The following PDZRN4 variants were observed in gnomAD, a reference collection of about 807,000 sequenced individuals.
PDZRN4 encodes PDZ domain-containing RING finger protein 4.
PDZRN4 carries 70 observed loss-of-function variants against 99.0 expected under a neutral mutation model. That is an observed-to-expected ratio of 0.71 (90% CI 0.58 to 0.86). The LOEUF (loss-of-function observed/expected upper bound fraction) is 0.86, where lower values mean the gene tolerates loss of function less well. Ranked by LOEUF, PDZRN4 falls within the 40% of genes least tolerant of loss-of-function variation. The pLI is 0.00. For missense variants in PDZRN4, 1,474 were observed against 1,331.2 expected, an observed-to-expected ratio of 1.11 and a Z score of -1.67; for synonymous variants, 551 against 501.6, an observed-to-expected ratio of 1.10 and a Z score of -1.32.
chr12:41,423,149 C>CT (rs112561141), intron 3 of PDZRN4, among the ~76,000 whole-genome samples: 53 of 151,552 alleles, frequency 3.5e-4, no homozygotes, highest in East Asian at 1.4e-3. Context: ...TTTGCTGAAA[C>CT]TTTTTTTTTA....
intron 3 of PDZRN4, among the ~76,000 whole-genome samples, chr12:41,231,587 A>G (rs1184670709): frequency 6.6e-6 from 1 of 151,996 alleles, no homozygotes; most frequent in Non-Finnish European, 1.5e-5. Flanking sequence ...CTTTTCTTAG[A>G]CTTTATAAGA....
At chr12:41,225,268 T>G in intron 3 of PDZRN4, among the ~76,000 whole-genome samples, 1 of 152,144 alleles carries the variant, frequency 6.6e-6, no homozygotes, top group East Asian at 1.9e-4. Flanking sequence ...AGCTGTAATT[T>G]CAGTCTATAA....
At chr12:41,567,922 C>A in intron 9 of PDZRN4, 23 bp downstream of exon 9, 2 of 1,313,036 alleles carry the variant, frequency 1.5e-6, no homozygotes, top group South Asian at 1.3e-5. Flanking sequence ...ATTTGAACTA[C>A]ATCATTTGAT....
At chr12:41,353,087 T>C (rs10506186) in intron 3 of PDZRN4, among the ~76,000 whole-genome samples, 54,615 of 151,868 alleles carry the variant, frequency 0.36, 9,923 homozygotes, top group Non-Finnish European at 0.39. Context: ...GGAAGAAATG[T>C]TTGTTAATTA....
chr12:41,474,409 T>C (rs571804296), intron 3 of PDZRN4, among the ~76,000 whole-genome samples: 2 of 152,348 alleles, frequency 1.3e-5, no homozygotes, highest in East Asian at 3.9e-4. Context: ...AATGAATGCA[T>C]TTAAACTACA....
intron 5 of PDZRN4, among the ~76,000 whole-genome samples, chr12:41,528,284 C>T (rs536448151): frequency 2.0e-5 from 3 of 152,154 alleles, no homozygotes; most frequent in South Asian, 4.2e-4. Flanking sequence ...CACAGGAAGG[C>T]ACTTAAACTT....
At chr12:41,248,334 G>C (rs974532637) in intron 3 of PDZRN4, among the ~76,000 whole-genome samples, 1 of 152,124 alleles carries the variant, frequency 6.6e-6, no homozygotes, top group Non-Finnish European at 1.5e-5. Context: ...TTTTGGCTAA[G>C]AAACATTTCA....
At chr12:41,337,697 C>T (rs893987680) in intron 3 of PDZRN4, among the ~76,000 whole-genome samples, 3 of 152,084 alleles carry the variant, frequency 2.0e-5, no homozygotes, top group Admixed American at 6.6e-5. Flanking sequence ...CCTTTATTCT[C>T]ACGAAAACTT....
intron 5 of PDZRN4, among the ~76,000 whole-genome samples, chr12:41,526,912 A>G (rs1938577372): frequency 6.6e-6 from 1 of 152,238 alleles, no homozygotes; most frequent in South Asian, 2.1e-4. Flanking sequence ...CAGCTATCTG[A>G]AAGCCATAGT....
chr12:41,356,451 G>A (rs1951927995), intron 3 of PDZRN4, among the ~76,000 whole-genome samples: 1 of 151,938 alleles, frequency 6.6e-6, no homozygotes, highest in Admixed American at 6.6e-5. Context: ...AAGGCCTTAA[G>A]AAGGAGTGTA....
At chr12:41,232,107 G>T (rs577326861) in intron 3 of PDZRN4, among the ~76,000 whole-genome samples, 5 of 151,890 alleles carry the variant, frequency 3.3e-5, no homozygotes, top group South Asian at 4.2e-4. Flanking sequence ...AAGACATGTT[G>T]TAGAATGCCA....
At chr12:41,501,523 A>G (rs1339822956) in intron 3 of PDZRN4, among the ~76,000 whole-genome samples, 1 of 152,144 alleles carries the variant, frequency 6.6e-6, no homozygotes, top group East Asian at 1.9e-4. Flanking sequence ...TATTACCATG[A>G]TATGGTTTAC....
chr12:41,437,694 T>C, intron 3 of PDZRN4: 1 of 1,370,512 alleles, frequency 7.3e-7, no homozygotes, highest in Non-Finnish European at 9.5e-7. Flanking sequence ...CGGGGGAGTG[T>C]TGCCATGAAC....
intron 3 of PDZRN4, among the ~76,000 whole-genome samples, chr12:41,309,255 G>T (rs1410519995): frequency 6.6e-6 from 1 of 152,166 alleles, no homozygotes; most frequent in African/African-American, 2.4e-5. Context: ...CCATAGACTA[G>T]CTAATTTGTA....
intron 5 of PDZRN4, among the ~76,000 whole-genome samples, chr12:41,528,220 G>T (rs926804413): frequency 7.1e-6 from 1 of 140,076 alleles, no homozygotes; most frequent in Non-Finnish European, 1.5e-5. Flanking sequence ...TTTTGTTTTT[G>T]TTTTTAGGAC....
chr12:41,188,972 G>T lies in PDZRN4; in HGVS notation c.517G>T (p.Ala173Ser). 1 of 1,478,738 alleles carries T rather than the reference G, an allele frequency of 6.8e-7. No individual in the cohort carries two copies. Among genetic ancestry groups the T allele is most frequent in the Non-Finnish European group, 9.0e-7 (1 of 1,116,830 alleles). 91.6% of individuals were successfully genotyped at this position (1,478,738 alleles called of 1,614,324 possible). Residue 173 changes from alanine to serine, a missense_variant, in exon 1 of 10, where the codon GCG (alanine) becomes TCG (serine). Transcript: ENST00000402685. ...RVLAWRRREK[A>S]LLAQLWALQG... ...CCTCGCCTGGAGGCGGCGCGAGAAG[G>T]CGCTGCTGGCGCAGCTCTGGGCGCT...
intron 3 of PDZRN4, among the ~76,000 whole-genome samples, chr12:41,346,354 C>T (rs10880050): frequency 0.38 from 58,345 of 151,656 alleles, 11,273 homozygotes; most frequent in African/African-American, 0.41. Flanking sequence ...CTCAGCTATT[C>T]GGGAGGCTGA....
At chr12:41,250,304 G>T (rs560489075) in intron 3 of PDZRN4, among the ~76,000 whole-genome samples, 64 of 152,188 alleles carry the variant, frequency 4.2e-4, no homozygotes, top group African/African-American at 1.5e-3. Flanking sequence ...TTGTTGATTT[G>T]CTCACCTCCA....
At chr12:41,333,476 T>C (rs1280737761) in intron 3 of PDZRN4, among the ~76,000 whole-genome samples, 5 of 152,100 alleles carry the variant, frequency 3.3e-5, no homozygotes, top group African/African-American at 1.2e-4. Context: ...TGACAGCAGG[T>C]TCTGCCATGT....
Sources: gnomAD v4.1 joint callset for allele counts (sites outside exome capture counted in the v4.1 genomes callset) on GRCh38, gnomAD v4.1.1 for gene constraint, MANE v1.5 for transcripts, NCBI Gene and HGNC (gene_info 2026-07-23, HGNC 2026-07-21) for gene names.